PPP1R9A: variants seen among roughly 807,000 people sequenced by gnomAD.
The protein encoded by PPP1R9A is neurabin-1.
In PPP1R9A, 59 loss-of-function variants were observed where a neutral mutation model predicts 141.9. That is an observed-to-expected ratio of 0.42 (90% confidence interval 0.34 to 0.52). The LOEUF is 0.52. Among genes scored for constraint, PPP1R9A ranks in the 20% least tolerant of loss-of-function variants. PPP1R9A has a pLI of 0.10. For missense variants in PPP1R9A, 1,444 were observed against 1,611.9 expected (o/e 0.90, Z 1.78); for synonymous variants, 500 against 569.7 (o/e 0.88, Z 1.74).
intron 2 of PPP1R9A, among the ~76,000 whole-genome samples, chr7:95,022,968 G>A (rs1466086099): frequency 6.6e-6 from 1 of 152,070 alleles, no homozygotes; most frequent in Non-Finnish European, 1.5e-5. Flanking sequence ...GCCAGGTTTT[G>A]GTATCAGGAT....
intron 2 of PPP1R9A, among the ~76,000 whole-genome samples, chr7:94,937,072 CTTA>C (rs1563016765): frequency 6.6e-6 from 1 of 152,062 alleles, no homozygotes; most frequent in Non-Finnish European, 1.5e-5. Context: ...TGTGCCCTAA[CTTA>C]TTATTCATCC....
intron 12 of PPP1R9A, among the ~76,000 whole-genome samples, chr7:95,265,818 A>C (rs528781678): frequency 2.0e-5 from 3 of 152,294 alleles, no homozygotes; most frequent in African/African-American, 7.2e-5. Context: ...TGTTAACTGC[A>C]TACAATGTGT....
chr7:95,269,608 A>G (rs1801847750), intron 14 of PPP1R9A, 101 bp downstream of exon 14: 1 of 870,952 alleles, frequency 1.1e-6, no homozygotes, highest in Non-Finnish European at 1.7e-6. Context: ...CTCATAGCTA[A>G]TAATTAATAT....
At chr7:95,114,505 G>GT (rs1821123293) in intron 3 of PPP1R9A, among the ~76,000 whole-genome samples, 1 of 151,936 alleles carries the variant, frequency 6.6e-6, no homozygotes, top group Non-Finnish European at 1.5e-5. Flanking sequence ...GTACATGGAT[G>GT]TTTGTTTTAT....
At chr7:94,935,046 A>G (rs532374956) in intron 2 of PPP1R9A, among the ~76,000 whole-genome samples, 5 of 152,262 alleles carry the variant, frequency 3.3e-5, no homozygotes, top group South Asian at 2.1e-4. Flanking sequence ...GATTAACAGC[A>G]ATTCTAAGAG....
intron 3 of PPP1R9A, among the ~76,000 whole-genome samples, chr7:95,113,618 T>A (rs1303469056): frequency 6.6e-6 from 1 of 152,072 alleles, no homozygotes; most frequent in Non-Finnish European, 1.5e-5. Flanking sequence ...CAGGGAGATG[T>A]AGAAATAATT....
intron 2 of PPP1R9A, among the ~76,000 whole-genome samples, chr7:95,059,526 G>A (rs1811942745): frequency 6.6e-6 from 1 of 152,190 alleles, no homozygotes; most frequent in South Asian, 2.1e-4. Context: ...GCATCTGACT[G>A]TATGATCAGT....
At chr7:95,256,676 G>A (rs1799630445) in intron 12 of PPP1R9A, among the ~76,000 whole-genome samples, 1 of 151,938 alleles carries the variant, frequency 6.6e-6, no homozygotes, top group African/African-American at 2.4e-5. Flanking sequence ...TTTAAGGAGT[G>A]AAAATAATCA....
chr7:95,173,760 A>G (rs951703382), intron 5 of PPP1R9A, among the ~76,000 whole-genome samples: 3 of 152,098 alleles, frequency 2.0e-5, no homozygotes, highest in African/African-American at 4.8e-5. Context: ...ACCATTAAAC[A>G]TGAAATGCTG....
rs1831165289 is a variant in PPP1R9A at position 95,165,884 on chromosome 7, A to T, written c.1754+3913A>T. On this transcript the variant is annotated intron_variant, in intron 5 of 19. Coordinates refer to ENST00000433360, the MANE Select transcript of PPP1R9A (RefSeq NM_001166160.2). ...AAAATTGGGTCAGGCGCAGTGGCTC[A>T]TGCCTGGAATCCCATCATTTTGGGA... Among the ~76,000 whole-genome samples, 3 of 152,338 alleles carry T rather than the reference A, an allele frequency of 2.0e-5. No individual in the cohort carries two copies. In the South Asian group the frequency reaches 6.2e-4, roughly 32 times the overall value.
intron 3 of PPP1R9A, 109 bp from the exon 4 acceptor site, chr7:95,120,603 T>G: frequency 8.0e-7 from 1 of 1,249,566 alleles, no homozygotes; most frequent in East Asian, 2.4e-5. Context: ...TATTGTCCTA[T>G]CCATAAGGAA....
intron 2 of PPP1R9A, among the ~76,000 whole-genome samples, chr7:94,989,518 G>A (rs1005451401): frequency 1.3e-5 from 2 of 152,094 alleles, no homozygotes; most frequent in African/African-American, 4.8e-5. Context: ...TTGAGTTGCA[G>A]TATAGCTCGA....
intron 5 of PPP1R9A, among the ~76,000 whole-genome samples, chr7:95,176,229 G>C (rs1360455554): frequency 2.0e-5 from 3 of 152,072 alleles, no homozygotes; most frequent in African/African-American, 4.8e-5. Context: ...TGGATTTGCT[G>C]GGTGGCTAGA....
intron 7 of PPP1R9A, among the ~76,000 whole-genome samples, chr7:95,213,906 C>T (rs1792695167): frequency 6.6e-6 from 1 of 152,212 alleles, no homozygotes; most frequent in Admixed American, 6.5e-5. Flanking sequence ...ACAAGGAACA[C>T]TTCCTACTTT....
At chr7:95,286,107 T>G (rs543210054) in intron 17 of PPP1R9A, 99 bp from the exon 18 acceptor site, 5 of 1,506,842 alleles carry the variant, frequency 3.3e-6, no homozygotes, top group Non-Finnish European at 4.4e-6. Flanking sequence ...GAATTTCTGC[T>G]AAGATTGTTT....
chr7:94,959,115 A>C (rs548859138), intron 2 of PPP1R9A, among the ~76,000 whole-genome samples: 1 of 152,036 alleles, frequency 6.6e-6, no homozygotes, highest in East Asian at 1.9e-4. Context: ...TTAGTATTTC[A>C]TTTTGCCTAT....
intron 2 of PPP1R9A, among the ~76,000 whole-genome samples, chr7:95,044,535 A>G (rs947574253): frequency 1.1e-4 from 16 of 141,636 alleles, no homozygotes; most frequent in African/African-American, 2.9e-4. Context: ...ATTATTAACT[A>G]TTTTTTTCAG....
rs963731034 is a variant in PPP1R9A, at chr7:95,292,721, T to C, written c.*2418T>C. The C allele has an allele frequency of 6.6e-6, 1 of 152,230 alleles. No individual in the cohort carries two copies. Among genetic ancestry groups the C allele is most frequent in the African/African-American group, 2.4e-5 (1 of 41,468 alleles). The allele number at this position is 152,230 out of a possible 1,614,324, so 9.4% of individuals were successfully genotyped here. The stretch of plus-strand genomic sequence containing the variant: ...AGTAATTTTAGGCCGAAGTGAGTTA[T>C]TTTAACATTACCACTTAAAACGGAT... On this transcript the variant is annotated 3_prime_UTR_variant, in exon 20 of 20. Coordinates refer to ENST00000433360, the MANE Select transcript of PPP1R9A (RefSeq NM_001166160.2).
At chr7:95,077,341 T>C (rs1236405788) in intron 2 of PPP1R9A, among the ~76,000 whole-genome samples, 20 of 152,130 alleles carry the variant, frequency 1.3e-4, no homozygotes, top group Admixed American at 1.3e-3. Context: ...ATCAGTAGAC[T>C]TTTACCGACA....
Sources: allele counts gnomAD v4.1 joint callset (sites outside exome capture counted in the v4.1 genomes callset), GRCh38; gene constraint gnomAD v4.1.1; transcripts MANE v1.5; gene names NCBI Gene and HGNC (gene_info 2026-07-23, HGNC 2026-07-21).